The following SYTL5 variants were observed in gnomAD, a reference collection of about 807,000 sequenced individuals.
SYTL5 encodes the protein synaptotagmin like 5.
Under a neutral mutation model 55.9 loss-of-function variants are expected in SYTL5, and 34 were observed. That is an observed-to-expected ratio of 0.61 (90% CI 0.46 to 0.81). The LOEUF (loss-of-function observed/expected upper bound fraction) is 0.81. SYTL5 is among the 30% of genes least tolerant of loss of function. The probability of loss-of-function intolerance (pLI) is 0.00; values close to 1 mark genes in which losing one functional copy is unlikely to be tolerated. For synonymous variants in SYTL5, 221 were observed against 188.7 expected, an observed-to-expected ratio of 1.17 and a Z score of -1.40; for missense variants, 637 against 546.7, an observed-to-expected ratio of 1.17 and a Z score of -1.65.
chrX:38,072,179 T>C lies in SYTL5; in HGVS notation c.445+17T>C, dbSNP rs1353312542. 4.0e-5 allele frequency: 45 copies of C among 1,131,680 alleles called. No individual in the cohort carries two copies. Among genetic ancestry groups the C allele is most frequent in the Non-Finnish European group, 5.2e-5 (43 of 824,526 alleles). The allele number at this position is 1,131,680 out of a possible 1,213,427, so 93.3% of individuals were successfully genotyped here. ...GAAGTCCAGGTAATTAAAGCAATTATGTGGTTTCACAACTGTTTTCATCTC... is the reference window on the plus strand; with the variant it reads ...GAAGTCCAGGTAATTAAAGCAATTACGTGGTTTCACAACTGTTTTCATCTC... On this transcript the variant is annotated intron_variant, in intron 4 of 16. Transcript: ENST00000297875.
At chrX:38,101,947 T>A (rs921437016) in intron 9 of SYTL5, among the ~76,000 whole-genome samples, 1 of 109,904 alleles carries the variant, frequency 9.1e-6, no homozygotes, top group Non-Finnish European at 1.9e-5. Context: ...TTTTGAGATA[T>A]GCTTTACCAT....
chrX:37,991,133 TGA>T, the SYTL5 span: 6 of 1,211,438 alleles, frequency 5.0e-6, no homozygotes, highest in Non-Finnish European at 6.7e-6. Flanking sequence ...CCCACAGCGC[TGA>T]GAGTGATGTG....
At chrX:37,894,372 CA>C in the SYTL5 span, among the ~76,000 whole-genome samples, 1 of 111,822 alleles carries the variant, frequency 8.9e-6, no homozygotes, top group East Asian at 2.8e-4. Flanking sequence ...TACTGCCAAA[CA>C]GTTTTCCAAA....
At chrX:38,054,539 T>A in intron 3 of SYTL5, 117 bp downstream of exon 3, 1 of 668,237 alleles carries the variant, frequency 1.5e-6, no homozygotes, top group Non-Finnish European at 2.2e-6. Context: ...CAGGTGAAAT[T>A]ACAGCCCAAT....
chrX:38,025,237 A>G (rs1334585123), intron 1 of SYTL5, among the ~76,000 whole-genome samples: 1 of 112,530 alleles, frequency 8.9e-6, no homozygotes, highest in Non-Finnish European at 1.9e-5. Context: ...ACAGTCAAAC[A>G]GGAAATTAAC....
chrX:37,934,682 T>C, the SYTL5 span, among the ~76,000 whole-genome samples: 1 of 106,778 alleles, frequency 9.4e-6, no homozygotes, highest in Non-Finnish European at 1.9e-5. Context: ...TTGCCCAGGC[T>C]GGAGTGCAGT....
upstream of SYTL5, among the ~76,000 whole-genome samples, chrX:38,006,363 A>T (rs943911061): frequency 1.1e-4 from 12 of 111,713 alleles, no homozygotes; most frequent in Non-Finnish European, 2.3e-4. Context: ...CATGTCAAAA[A>T]ATGTTTAAAA....
the SYTL5 span, among the ~76,000 whole-genome samples, chrX:37,969,873 A>T: frequency 8.9e-6 from 1 of 112,001 alleles, no homozygotes; most frequent in Admixed American, 9.5e-5. Context: ...ACCTCAGGTG[A>T]TCCACCAGCC....
the SYTL5 span, among the ~76,000 whole-genome samples, chrX:37,959,349 C>T: frequency 8.9e-6 from 1 of 112,182 alleles, no homozygotes; most frequent in South Asian, 3.7e-4. Context: ...GCGGCCGGCC[C>T]TGAGCAGCTC....
the SYTL5 span, among the ~76,000 whole-genome samples, chrX:37,921,374 G>A: frequency 9.0e-6 from 1 of 110,896 alleles, no homozygotes; most frequent in Non-Finnish European, 1.9e-5. Flanking sequence ...TAAGTAAACG[G>A]AAGAAATTAC....
the SYTL5 span, among the ~76,000 whole-genome samples, chrX:38,000,501 G>A: frequency 8.9e-6 from 1 of 112,239 alleles, no homozygotes; most frequent in Non-Finnish European, 1.9e-5. Context: ...CATGCAGACT[G>A]GTAGGTTGTG....
At chrX:37,929,841 C>T in the SYTL5 span, among the ~76,000 whole-genome samples, 1 of 112,095 alleles carries the variant, frequency 8.9e-6, no homozygotes, top group Non-Finnish European at 1.9e-5. Flanking sequence ...AAAACTATAA[C>T]TGATTTGGTT....
At chrX:38,014,106 T>C (rs1934273241) in intron 1 of SYTL5, among the ~76,000 whole-genome samples, 1 of 112,682 alleles carries the variant, frequency 8.9e-6, no homozygotes, top group African/African-American at 3.2e-5. Flanking sequence ...TAAAACTCTT[T>C]TGGTATGTAC....
At chrX:38,040,278 A>G (rs931283341) in intron 2 of SYTL5, among the ~76,000 whole-genome samples, 4 of 111,758 alleles carry the variant, frequency 3.6e-5, no homozygotes, top group Non-Finnish European at 7.5e-5. Context: ...AAACAAACAC[A>G]TCATGGAGAA....
At chrX:37,989,526 T>A in the SYTL5 span, among the ~76,000 whole-genome samples, 1 of 111,621 alleles carries the variant, frequency 9.0e-6, no homozygotes, top group Non-Finnish European at 1.9e-5. Context: ...CCAGGTGAAG[T>A]CATAGGATCA....
At chrX:37,991,910 T>C in the SYTL5 span, among the ~76,000 whole-genome samples, 6 of 112,362 alleles carry the variant, frequency 5.3e-5, no homozygotes, top group Non-Finnish European at 1.1e-4. Context: ...GCTGTGAATA[T>C]ATCTTTTTGT....
At chrX:38,068,843 T>G (rs1372563748) in intron 3 of SYTL5, among the ~76,000 whole-genome samples, 1 of 110,821 alleles carries the variant, frequency 9.0e-6, no homozygotes, top group African/African-American at 3.3e-5. Flanking sequence ...ACGGGATCGT[T>G]TATACCCCAA....
At chrX:38,083,752 A>T (rs1936595250) in intron 6 of SYTL5, among the ~76,000 whole-genome samples, 1 of 98,379 alleles carries the variant, frequency 1.0e-5, no homozygotes, top group African/African-American at 3.8e-5. Flanking sequence ...TTCTCCAAAG[A>T]GTTTAGTTTT....
chrX:37,947,308 G>A, the SYTL5 span, among the ~76,000 whole-genome samples: 1 of 111,508 alleles, frequency 9.0e-6, no homozygotes, highest in Non-Finnish European at 1.9e-5. Flanking sequence ...TAATCCCCAC[G>A]TGTCGGAGGA....
Sources: allele counts gnomAD v4.1 joint callset (sites outside exome capture counted in the v4.1 genomes callset), GRCh38; gene constraint gnomAD v4.1.1; transcripts MANE v1.5; gene names NCBI Gene and HGNC (gene_info 2026-07-23, HGNC 2026-07-21).